CDH12: variants seen among roughly 807,000 people sequenced by gnomAD.
CDH12 encodes the protein cadherin 12.
A neutral mutation model predicts 74.1 loss-of-function variants in CDH12; 41 were observed. That is an observed-to-expected ratio of 0.55 (90% CI 0.43 to 0.72). The LOEUF (loss-of-function observed/expected upper bound fraction) is 0.72. Among genes scored for constraint, CDH12 ranks in the 30% least tolerant of loss-of-function variants. CDH12 has a pLI of 0.00. For missense variants in CDH12, 945 were observed against 977.2 expected, an observed-to-expected ratio of 0.97 and a Z score of 0.44; for synonymous variants, 399 against 355.0, an observed-to-expected ratio of 1.12 and a Z score of -1.39.
At chr5:22,459,899 C>T (rs1044095620) in intron 2 of CDH12, among the ~76,000 whole-genome samples, 1 of 148,790 alleles carries the variant, frequency 6.7e-6, no homozygotes, top group Non-Finnish European at 1.5e-5. Context: ...CCAGGAGGCA[C>T]GGAGGTTGCA....
chr5:22,316,768 T>G (rs1450678753), intron 3 of CDH12, among the ~76,000 whole-genome samples: 2 of 152,136 alleles, frequency 1.3e-5, no homozygotes, highest in African/African-American at 4.8e-5. Context: ...GTAAAAGGTC[T>G]ATAATGAGGT....
intron 1 of CDH12, among the ~76,000 whole-genome samples, chr5:22,839,538 G>A (rs903353396): frequency 1.3e-5 from 2 of 151,694 alleles, no homozygotes; most frequent in African/African-American, 4.8e-5. Context: ...TACATTTTTA[G>A]TAGAGACAGG....
chr5:22,027,777 G>A (rs951639466), intron 5 of CDH12, among the ~76,000 whole-genome samples: 61 of 151,230 alleles, frequency 4.0e-4, no homozygotes, highest in Non-Finnish European at 2.1e-4. Context: ...TCCTGGATTC[G>A]TTAATTTTTT....
rs1012741528 is a variant in CDH12 at position 22,598,300 on chromosome 5, T to A, written c.-522-92936A>T. On this transcript the variant is annotated intron_variant, in intron 1 of 14. Transcript: ENST00000382254. ...TCACCTTGAATTGTAATAATTCCCA[T>A]GTGTCAAGGGCAGGACCAAATGAAG... Among the ~76,000 whole-genome samples the A allele has an allele frequency of 2.6e-5, 4 of 152,332 alleles. No individual in the cohort carries two copies. In the South Asian group the frequency reaches 6.2e-4, roughly 24 times the overall value.
At chr5:22,802,173 G>A (rs1037673199) in intron 1 of CDH12, among the ~76,000 whole-genome samples, 3 of 146,414 alleles carry the variant, frequency 2.0e-5, no homozygotes, top group African/African-American at 7.7e-5. Flanking sequence ...CCAGGCTGGA[G>A]TGCAGTGGCA....
At chr5:21,780,217 A>G (rs968346140) in intron 11 of CDH12, among the ~76,000 whole-genome samples, 1 of 152,216 alleles carries the variant, frequency 6.6e-6, no homozygotes, top group Admixed American at 6.5e-5. Context: ...AGCAGCTGGT[A>G]GTGTGACAGA....
intron 3 of CDH12, among the ~76,000 whole-genome samples, chr5:22,346,707 A>G (rs1740130743): frequency 6.6e-6 from 1 of 152,186 alleles, no homozygotes; most frequent in South Asian, 2.1e-4. Context: ...CGATAGTTGA[A>G]AGTTGTTCAG....
intron 2 of CDH12, among the ~76,000 whole-genome samples, chr5:22,448,157 CAA>C (rs756574776): frequency 3.8e-4 from 37 of 96,104 alleles, no homozygotes; most frequent in Admixed American, 5.5e-4. Flanking sequence ...GACCCTGTGT[CAA>C]AAAAAAAAAA....
intron 1 of CDH12, among the ~76,000 whole-genome samples, chr5:22,522,675 T>C (rs1737104733): frequency 6.6e-6 from 1 of 152,282 alleles, no homozygotes; most frequent in African/African-American, 2.4e-5. Flanking sequence ...CATTTGTTAC[T>C]CTCTTTTATT....
chr5:22,852,681 C>T (rs1286658246), intron 1 of CDH12, among the ~76,000 whole-genome samples: 2 of 152,116 alleles, frequency 1.3e-5, no homozygotes, highest in South Asian at 4.1e-4. Context: ...ATAAAGCATT[C>T]ATTATTTTGT....
intron 2 of CDH12, among the ~76,000 whole-genome samples, chr5:22,501,469 T>A (rs1736140347): frequency 6.6e-6 from 1 of 152,156 alleles, no homozygotes; most frequent in South Asian, 2.1e-4. Context: ...TGGTAGAGTC[T>A]ACTTTGGAAT....
At position 22,024,575 on chromosome 5, in the gene CDH12, T is replaced by C. The variant is rs185773134; in HGVS notation, c.232-49190A>G. ...TCACCCAGGCTGGAGTACAGTGGTG[T>C]GATCTCAGTTCACTGCAACCTCCAC... is the stretch of plus-strand genomic sequence containing the variant. On this transcript the variant is annotated intron_variant, in intron 5 of 14. Coordinates refer to ENST00000382254, the MANE Select transcript of CDH12 (RefSeq NM_004061.5). 1.8e-4 allele frequency among the ~76,000 whole-genome samples: 28 copies of C among 152,258 alleles called. No individual in the cohort carries two copies. In the Middle Eastern group the frequency reaches 0.02, roughly 111 times the overall value.
intron 1 of CDH12, among the ~76,000 whole-genome samples, chr5:22,524,074 C>T (rs1163456881): frequency 1.3e-5 from 2 of 151,746 alleles, no homozygotes; most frequent in African/African-American, 4.8e-5. Context: ...CTTGACCTCC[C>T]TGGGCTCAGG....
chr5:21,780,833 G>A lies in CDH12; in HGVS notation c.1393+2525C>T, dbSNP rs146217580. 4.2e-3 allele frequency among the ~76,000 whole-genome samples: 632 copies of A among 152,198 alleles called. 5 individuals carry two copies. Among genetic ancestry groups the A allele is most frequent in the African/African-American group, 0.014 (584 of 41,524 alleles). ...ATTTTTAAAATTATGATATATTTTA[G>A]CTGTCCCCAAATTCTGCATAAATGA... On this transcript the variant is annotated intron_variant, in intron 11 of 14. Transcript: ENST00000382254.
rs188682464 is a variant in CDH12, at chr5:21,961,429, C to T, written c.526+13662G>A. ...ATTGTACAGAGCATATAGTTTTGTC[C>T]TTTTTAAATCCAGTCTCAGAATTGC... On this transcript the variant is annotated intron_variant, in intron 6 of 14. Coordinates refer to ENST00000382254, the MANE Select transcript of CDH12 (RefSeq NM_004061.5). Among the ~76,000 whole-genome samples, 78 of 152,138 alleles carry T rather than the reference C, an allele frequency of 5.1e-4. 1 individual carries two copies. In the South Asian group the frequency reaches 8.9e-3, roughly 17 times the overall value.
At chr5:22,505,603 A>T (rs549092694) in intron 1 of CDH12, among the ~76,000 whole-genome samples, 1 of 152,198 alleles carries the variant, frequency 6.6e-6, no homozygotes, top group East Asian at 1.9e-4. Context: ...ATATATAGTG[A>T]TACATTGTGA....
At chr5:21,907,604 C>T (rs1182332293) in intron 6 of CDH12, among the ~76,000 whole-genome samples, 1 of 152,182 alleles carries the variant, frequency 6.6e-6, no homozygotes, top group Non-Finnish European at 1.5e-5. Flanking sequence ...CCTGTCCCAG[C>T]TCTACCCCGG....
intron 1 of CDH12, among the ~76,000 whole-genome samples, chr5:22,652,784 G>A (rs944685180): frequency 6.6e-6 from 1 of 152,028 alleles, no homozygotes; most frequent in Non-Finnish European, 1.5e-5. Context: ...TTCTTCAGAG[G>A]GGAAAAAGGA....
intron 2 of CDH12, among the ~76,000 whole-genome samples, chr5:22,451,641 T>C (rs1745050122): frequency 6.6e-6 from 1 of 151,972 alleles, no homozygotes; most frequent in African/African-American, 2.4e-5. Flanking sequence ...CGTTTTTCTA[T>C]AAGATCTGGA....
Sources: allele counts gnomAD v4.1 joint callset (sites outside exome capture counted in the v4.1 genomes callset), GRCh38; gene constraint gnomAD v4.1.1; transcripts MANE v1.5; gene names NCBI Gene and HGNC (gene_info 2026-07-23, HGNC 2026-07-21).